Variants in SNX5 observed in about 807,000 individuals in gnomAD.
SNX5 encodes the protein sorting nexin 5.
In SNX5, 31 loss-of-function variants were observed where a neutral mutation model predicts 53.9. That is an observed-to-expected ratio of 0.58 (90% CI 0.43 to 0.78). SNX5 has a LOEUF of 0.78. Among genes scored for constraint, SNX5 ranks in the 30% least tolerant of loss-of-function variants. SNX5 has a pLI of 0.00. For missense variants in SNX5, 471 were observed against 478.8 expected (o/e 0.98, Z 0.15); for synonymous variants, 168 against 171.1 (o/e 0.98, Z 0.14).
intron 1 of SNX5, chr20:17,962,912 A>C: frequency 1.9e-6 from 1 of 518,690 alleles, no homozygotes; most frequent in Non-Finnish European, 3.8e-6. Context: ...AGTGCAGCGC[A>C]CTCAGCGAAT....
chr20:17,947,833 T>C (rs529812874), intron 10 of SNX5, among the ~76,000 whole-genome samples, 188 bp from the exon 11 acceptor site: 11 of 152,370 alleles, frequency 7.2e-5, no homozygotes, highest in Non-Finnish European at 1.3e-4. Context: ...TGAGAGCTTT[T>C]TTTAGAATTC....
chr20:17,968,383 G>A lies in SNX5; in HGVS notation c.43C>T (p.Arg15Cys). ...GGCTGGGAGGACCTCACCTTGCTGC[G>A]GTCCTCCTCCTGCTGCTGCAGCAAC... Reference protein sequence around the residue: ...PELLQQQEEDRSKLRSVSVDL... With the variant: ...PELLQQQEEDCSKLRSVSVDL... Residue 15 changes from arginine (R) to cysteine (C), a missense_variant, in exon 1 of 13, where the codon CGC becomes TGC. By Grantham distance (180) the Arg-to-Cys change is radical (BLOSUM62 -3). Coordinates refer to ENST00000377759, the MANE Select transcript of SNX5 (RefSeq NM_014426.4). 3 of 1,277,282 alleles carry A rather than the reference G, an allele frequency of 2.3e-6. No individual in the cohort carries two copies. The highest frequency in any genetic ancestry group is 1.5e-5 in the African/African-American group (1 of 64,676). 79.1% of individuals were successfully genotyped at this position (1,277,282 alleles called of 1,614,324 possible).
At position 17,947,623 on chromosome 20, in the gene SNX5, T is replaced by C; in HGVS notation, c.941A>G (p.Lys314Arg). Residue 314 changes from lysine (K) to arginine (R), a missense_variant, in exon 11 of 13, where the codon AAA becomes AGA. Coordinates refer to ENST00000377759, the MANE Select transcript of SNX5 (RefSeq NM_014426.4). ...TGAGTTCTCATAGTCAATGAGGGCT[T>C]TGGTGCGTCTGTATAAGAGATCCTG... ...AAKDLLYRRT[K>R]ALIDYENSNK... The C allele has an allele frequency of 1.2e-6, 2 of 1,613,820 alleles. No homozygotes were observed. Among genetic ancestry groups the C allele is most frequent in the Non-Finnish European group, 1.7e-6 (2 of 1,179,884 alleles).
At chr20:17,943,294 C>A in intron 11 of SNX5, 99 bp from the exon 12 acceptor site, 1 of 781,590 alleles carries the variant, frequency 1.3e-6, no homozygotes, top group Non-Finnish European at 2.3e-6. Context: ...GTCTCCAATG[C>A]TTTCAGGCAC....
chr20:17,954,337 A>G, intron 3 of SNX5: 1 of 540,472 alleles, frequency 1.9e-6, no homozygotes, highest in Non-Finnish European at 3.1e-6. Flanking sequence ...GATGGCAATC[A>G]TTTGTTCAGT....
rs372550237 is a variant in SNX5 at position 17,950,182 on chromosome 20, G to A, written c.741C>T (p.Thr247=). 28 of 1,614,146 alleles carry A rather than the reference G, an allele frequency of 1.7e-5. No individual in the cohort carries two copies. The highest frequency in any genetic ancestry group is 2.2e-5 in the East Asian group (1 of 44,880). The part of the protein sequence containing the change: ...HKNVADDYIH[T]AACLHSLALE... The stretch of plus-strand genomic sequence containing the variant: ...AAGCCAGGCTATGTAAGCAGGCTGC[G>A]GTGTGGATATAGTCATCGGCAACAT... The change falls in exon 8 of 13, where the codon ACC becomes ACT. Residue 247 remains threonine, a synonymous_variant. Coordinates refer to ENST00000377759, the MANE Select transcript of SNX5 (RefSeq NM_014426.4).
chr20:17,952,923 T>C (rs2039590550), intron 4 of SNX5, among the ~76,000 whole-genome samples: 1 of 152,244 alleles, frequency 6.6e-6, no homozygotes, highest in Non-Finnish European at 1.5e-5. Flanking sequence ...AAAGCAATGT[T>C]GTAACTGGAT....
intron 10 of SNX5, among the ~76,000 whole-genome samples, chr20:17,948,606 A>G (rs2039519515): frequency 6.6e-6 from 1 of 152,214 alleles, no homozygotes. Flanking sequence ...GATACTTGCA[A>G]TTCAATAAAA....
intron 1 of SNX5, chr20:17,967,732 A>C (rs1359392594): frequency 4.7e-6 from 1 of 214,984 alleles, no homozygotes; most frequent in East Asian, 1.1e-4. Flanking sequence ...TATTGCATAA[A>C]TAATCTTTTA....
Position 17,950,416 on chromosome 20 carries a change from AACCAG to A in SNX5, c.610-25_610-21del, listed in dbSNP as rs1490154657. ...TACCTCCTAGAAGGAAGAAAAAAAG[AACCAG>A]ACATTTCATGAAATATACTATCCCT... On this transcript the variant is annotated intron_variant, in intron 6 of 12. Coordinates refer to ENST00000377759, the MANE Select transcript of SNX5 (RefSeq NM_014426.4). The A allele has an allele frequency of 1.4e-6, 2 of 1,399,872 alleles. No homozygotes were observed. The highest frequency in any genetic ancestry group is 3.6e-5 in the Admixed American group (2 of 56,234). 86.7% of individuals were successfully genotyped at this position (1,399,872 alleles called of 1,614,324 possible).
In SNX5 at chr20:17,968,447, G is replaced by A. The variant is rs572996375; in HGVS notation, c.-22C>T. On this transcript the variant is annotated 5_prime_UTR_variant, in exon 1 of 13. Transcript: ENST00000377759. The stretch of plus-strand genomic sequence containing the variant: ...CCATGGCGACGCGGGACTCGAGCAG[G>A]GGCCGCCTGGCTGTGCGAGGAAAGA... The A allele has an allele frequency of 8.7e-5, 112 of 1,289,896 alleles. No homozygotes were observed. Among genetic ancestry groups the A allele is most frequent in the Admixed American group, 8.4e-5 (2 of 23,942 alleles). 79.9% of individuals were successfully genotyped at this position (1,289,896 alleles called of 1,614,324 possible).
At chr20:17,955,527 T>A (rs2035338699) in intron 2 of SNX5, 52 bp from the exon 3 acceptor site, 1 of 1,298,818 alleles carries the variant, frequency 7.7e-7, no homozygotes, top group African/African-American at 1.5e-5. Flanking sequence ...AGATAAGTGA[T>A]CTGGGTTTCC....
In SNX5 at chr20:17,948,682, A is replaced by G. The variant is rs112504393; in HGVS notation, c.918+208T>C. Among the ~76,000 whole-genome samples the G allele has an allele frequency of 9.8e-3, 1,493 of 152,326 alleles. 23 individuals are homozygous for G. Among genetic ancestry groups the G allele is most frequent in the African/African-American group, 0.035 (1,437 of 41,574 alleles). ...ATGTTATGTCCCACATCAATGACCT[A>G]TAATCCCCCAAACTATTACCTGTCT... On this transcript the variant is annotated intron_variant, in intron 10 of 12. Coordinates refer to ENST00000377759, the MANE Select transcript of SNX5 (RefSeq NM_014426.4).
intron 5 of SNX5, 23 bp downstream of exon 5, chr20:17,952,564 A>G (rs2039585611): frequency 1.2e-6 from 2 of 1,607,060 alleles, no homozygotes; most frequent in African/African-American, 1.3e-5. Flanking sequence ...GTGGATTATC[A>G]AAATGGAATA....
At chr20:17,945,438 G>C (rs2039474321) in intron 11 of SNX5, 1 of 152,140 alleles carries the variant, frequency 6.6e-6, no homozygotes, top group Non-Finnish European at 1.5e-5. Context: ...TTTGAATATA[G>C]GATATAATCA....
intron 1 of SNX5, 63 bp from the exon 2 acceptor site, chr20:17,957,100 A>ATGAG: frequency 1.0e-6 from 1 of 968,418 alleles, no homozygotes; most frequent in East Asian, 2.4e-5. Context: ...TATTCCAAAA[A>ATGAG]TGAGTAGTTA....
intron 4 of SNX5, 99 bp from the exon 5 acceptor site, chr20:17,952,809 T>C: frequency 1.4e-6 from 2 of 1,384,434 alleles, no homozygotes; most frequent in South Asian, 1.5e-5. Flanking sequence ...TGCCACCACA[T>C]AAAACACTGC....
At chr20:17,956,124 A>C in intron 2 of SNX5, among the ~76,000 whole-genome samples, 1 of 151,362 alleles carries the variant, frequency 6.6e-6, no homozygotes, top group East Asian at 1.9e-4. Flanking sequence ...CCCCCAACTT[A>C]TGACAAAGAA....
rs565187607 is a variant in SNX5 at position 17,967,940 on chromosome 20, C to G, written c.51+435G>C. 1.9e-4 allele frequency: 75 copies of G among 394,534 alleles called. 1 individual carries two copies. In the South Asian group the frequency reaches 2.6e-3, roughly 14 times the overall value. 24.4% of individuals were successfully genotyped at this position (394,534 alleles called of 1,614,324 possible). On this transcript the variant is annotated intron_variant, in intron 1 of 12. Coordinates refer to ENST00000377759, the MANE Select transcript of SNX5 (RefSeq NM_014426.4). Reference sequence around the variant, plus strand: ...TCCCAAGTTGTTTGGGCCCCCCCCCCAAAAAAGTCTTCTCAGTAAAAGGTG... The same window carrying G: ...TCCCAAGTTGTTTGGGCCCCCCCCCGAAAAAAGTCTTCTCAGTAAAAGGTG...
Sources: allele counts gnomAD v4.1 joint callset (sites outside exome capture counted in the v4.1 genomes callset), GRCh38; gene constraint gnomAD v4.1.1; transcripts MANE v1.5; gene names NCBI Gene and HGNC (gene_info 2026-07-23, HGNC 2026-07-21).